BORCS5: variants seen among roughly 807,000 people sequenced by gnomAD.
BORCS5 encodes BLOC-1 related complex subunit 5.
BORCS5 carries 17 observed loss-of-function variants against 22.1 expected under a neutral mutation model. The observed-to-expected ratio is 0.77, with a 90% CI of 0.53 to 1.15. BORCS5 has a LOEUF of 1.15. Ranked by LOEUF, BORCS5 falls within the 50% of genes most tolerant of loss-of-function variation. The pLI is 0.00. For synonymous variants in BORCS5, 117 were observed against 99.8 expected, an observed-to-expected ratio of 1.17 and a Z score of -1.03; for missense variants, 247 against 253.2, an observed-to-expected ratio of 0.98 and a Z score of 0.17.
Position 12,470,965 on chromosome 12 carries a change from A to G in BORCS5, c.*5189A>G, listed in dbSNP as rs1943290226. Among the ~76,000 whole-genome samples, 1 of 152,204 alleles carries G rather than the reference A, an allele frequency of 6.6e-6. No homozygotes were observed. Among genetic ancestry groups the G allele is most frequent in the African/African-American group, 2.4e-5 (1 of 41,440 alleles). On this transcript the variant is annotated 3_prime_UTR_variant, in exon 4 of 4. Transcript: ENST00000314565. Reference sequence around the variant, plus strand: ...CATTCCTTGAGGCATGAGTTATGCGAAAAGCTTTTCTGCACCAAGTACTTT... The same window carrying G: ...CATTCCTTGAGGCATGAGTTATGCGGAAAGCTTTTCTGCACCAAGTACTTT...
intron 3 of BORCS5, among the ~76,000 whole-genome samples, chr12:12,438,360 C>CCAAAAAAAAAAAAA (rs1942598514): frequency 4.2e-5 from 1 of 23,810 alleles, no homozygotes; most frequent in East Asian, 9.7e-4. Context: ...GATTTCATCT[C>CCAAAAAAAAAAAAA]AAAAAAAAAA....
In BORCS5 at chr12:12,357,174, T is replaced by C. The variant is rs1863157856; in HGVS notation, c.-278T>C. 6.5e-7 allele frequency: 1 copy of C among 1,527,532 alleles called. No individual in the cohort carries two copies. Among genetic ancestry groups the C allele is most frequent in the Non-Finnish European group, 8.7e-7 (1 of 1,143,348 alleles). 94.6% of individuals were successfully genotyped at this position (1,527,532 alleles called of 1,614,324 possible). On this transcript the variant is annotated 5_prime_UTR_variant, in exon 1 of 4. Transcript: ENST00000314565. ...CAGGTGCGGCAAAGCCAGTGTCATC[T>C]GCCGGTTCTCTTAGGGCTCCCGGAA...
intron 3 of BORCS5, among the ~76,000 whole-genome samples, chr12:12,451,587 A>C (rs1942909727): frequency 6.6e-6 from 1 of 152,054 alleles, no homozygotes; most frequent in Admixed American, 6.5e-5. Context: ...TGAGCAAGAA[A>C]AGCAACATTG....
intron 2 of BORCS5, among the ~76,000 whole-genome samples, chr12:12,363,957 C>T (rs1863350520): frequency 6.6e-6 from 1 of 152,010 alleles, no homozygotes; most frequent in African/African-American, 2.4e-5. Flanking sequence ...TACTAATAGC[C>T]TTCTGTTTAC....
chr12:12,376,309 C>T (rs1863651064), intron 2 of BORCS5, among the ~76,000 whole-genome samples: 1 of 151,220 alleles, frequency 6.6e-6, no homozygotes, highest in Non-Finnish European at 1.5e-5. Flanking sequence ...TCTCAGCTCA[C>T]TGCAAGCTCT....
At chr12:12,357,820 T>G (rs1426852249) in intron 1 of BORCS5, among the ~76,000 whole-genome samples, 1 of 152,218 alleles carries the variant, frequency 6.6e-6, no homozygotes, top group African/African-American at 2.4e-5. Context: ...TCATGGCTGA[T>G]GTAGTGAGAT....
intron 2 of BORCS5, among the ~76,000 whole-genome samples, chr12:12,412,422 T>C (rs566665491): frequency 1.3e-5 from 2 of 152,336 alleles, no homozygotes; most frequent in Non-Finnish European, 2.9e-5. Context: ...TTTTGGATTG[T>C]TCATTAGTGA....
chr12:12,387,220 T>C (rs1464177067), intron 2 of BORCS5, among the ~76,000 whole-genome samples: 1 of 151,266 alleles, frequency 6.6e-6, no homozygotes, highest in Non-Finnish European at 1.5e-5. Context: ...GTTTCCTTCT[T>C]ATGGATATAC....
At chr12:12,452,132 T>C in intron 3 of BORCS5, 2 of 545,268 alleles carry the variant, frequency 3.7e-6, no homozygotes, top group East Asian at 4.7e-5. Flanking sequence ...TTTGGCACTT[T>C]ATAGTAATGT....
chr12:12,429,912 C>T lies in BORCS5; in HGVS notation c.203-5716C>T, dbSNP rs558551043. On this transcript the variant is annotated intron_variant, in intron 2 of 3. Coordinates refer to ENST00000314565, the MANE Select transcript of BORCS5 (RefSeq NM_058169.6). ...GCAGATTCAGACTGAGACAAGGACT[C>T]GCTCTTAGGCATATATGCAGCCTAC... 4.6e-5 allele frequency among the ~76,000 whole-genome samples: 7 copies of T among 152,240 alleles called. No homozygotes were observed. In the South Asian group the frequency reaches 8.3e-4, roughly 18 times the overall value.
chr12:12,376,785 C>T (rs148492349), intron 2 of BORCS5, among the ~76,000 whole-genome samples: 1 of 152,204 alleles, frequency 6.6e-6, no homozygotes, highest in East Asian at 1.9e-4. Flanking sequence ...AAATTTATAG[C>T]AGTCCTGTGT....
chr12:12,414,766 G>T (rs1371913914), intron 2 of BORCS5, among the ~76,000 whole-genome samples: 1 of 134,016 alleles, frequency 7.5e-6, no homozygotes, highest in Non-Finnish European at 1.6e-5. Context: ...GGTGGCTGCC[G>T]GACGGAGGGG....
chr12:12,371,301 C>T (rs754966208), intron 2 of BORCS5, among the ~76,000 whole-genome samples: 2 of 152,050 alleles, frequency 1.3e-5, no homozygotes, highest in East Asian at 1.9e-4. Context: ...TTTATATGTT[C>T]GTGTATTTGG....
intron 3 of BORCS5, among the ~76,000 whole-genome samples, chr12:12,459,881 C>T (rs1217983840): frequency 6.6e-6 from 1 of 152,148 alleles, no homozygotes; most frequent in African/African-American, 2.4e-5. Context: ...TTTACACTGT[C>T]TTTTGTTTTA....
intron 3 of BORCS5, among the ~76,000 whole-genome samples, chr12:12,442,714 G>GAGTC (rs1284248254): frequency 6.6e-6 from 1 of 152,198 alleles, no homozygotes; most frequent in Non-Finnish European, 1.5e-5. Context: ...ATTAGAAGGT[G>GAGTC]AGTCATCTTT....
At chr12:12,422,526 A>G (rs1035913615) in intron 2 of BORCS5, among the ~76,000 whole-genome samples, 1 of 152,062 alleles carries the variant, frequency 6.6e-6, no homozygotes, top group Admixed American at 6.6e-5. Context: ...GTTTGAACCC[A>G]GGAGGCAGAG....
At chr12:12,419,112 G>C (rs1438731741) in intron 2 of BORCS5, among the ~76,000 whole-genome samples, 1 of 152,022 alleles carries the variant, frequency 6.6e-6, no homozygotes, top group Non-Finnish European at 1.5e-5. Flanking sequence ...TGATAAATAG[G>C]TATATATGTG....
At chr12:12,430,140 C>T (rs1478072413) in intron 2 of BORCS5, among the ~76,000 whole-genome samples, 1 of 130,208 alleles carries the variant, frequency 7.7e-6, no homozygotes, top group East Asian at 2.1e-4. Flanking sequence ...ACTTTAATCA[C>T]CTTAGAGAAA....
Position 12,361,191 on chromosome 12 carries a change from T to C in BORCS5, c.59-15T>C. The C allele has an allele frequency of 1.2e-6, 2 of 1,612,678 alleles. No individual in the cohort carries two copies. Among genetic ancestry groups the C allele is most frequent in the Non-Finnish European group, 1.7e-6 (2 of 1,178,796 alleles). ...CCTAATATGCATCTCCTAAGCAGTGTAACTTTATTTTCAGTGACTCCTTCA... is the reference window on the plus strand; with the variant it reads ...CCTAATATGCATCTCCTAAGCAGTGCAACTTTATTTTCAGTGACTCCTTCA... On this transcript the variant is annotated splice_polypyrimidine_tract_variant and intron_variant, in intron 1 of 3. Coordinates refer to ENST00000314565, the MANE Select transcript of BORCS5 (RefSeq NM_058169.6).
Sources: gnomAD v4.1 joint callset for allele counts (sites outside exome capture counted in the v4.1 genomes callset) on GRCh38, gnomAD v4.1.1 for gene constraint, MANE v1.5 for transcripts, NCBI Gene and HGNC (gene_info 2026-07-23, HGNC 2026-07-21) for gene names.